KIF1B: variants seen among roughly 807,000 people sequenced by gnomAD.
The protein encoded by KIF1B is kinesin-like protein KIF1B.
KIF1B carries 76 observed loss-of-function variants against 241.9 expected under a neutral mutation model. That is an observed-to-expected ratio of 0.31 (90% confidence interval 0.26 to 0.38). KIF1B has a LOEUF of 0.38. Ranked by LOEUF, KIF1B falls within the 10% of genes least tolerant of loss-of-function variation. The pLI is 1.00. For missense variants in KIF1B, 1,622 were observed against 2,271.4 expected (o/e 0.71, Z 5.81); for synonymous variants, 750 against 796.7 (o/e 0.94, Z 0.99).
chr1:10,369,585 A>T (rs1428334812), intron 44 of KIF1B, among the ~76,000 whole-genome samples: 1 of 152,148 alleles, frequency 6.6e-6, no homozygotes, highest in African/African-American at 2.4e-5. Flanking sequence ...GTGAGGTATG[A>T]TTGTGCCATT....
chr1:10,286,946 C>T (rs1557689181), intron 15 of KIF1B, among the ~76,000 whole-genome samples: 1 of 152,092 alleles, frequency 6.6e-6, no homozygotes, highest in Non-Finnish European at 1.5e-5. Flanking sequence ...CATTAGGCCC[C>T]TAGAGTGGGG....
intron 2 of KIF1B, among the ~76,000 whole-genome samples, chr1:10,235,498 C>T (rs1371962844): frequency 6.6e-6 from 1 of 152,180 alleles, no homozygotes; most frequent in Non-Finnish European, 1.5e-5. Flanking sequence ...AGCAGTCCAC[C>T]TGCCTTGGCC....
intron 27 of KIF1B, among the ~76,000 whole-genome samples, chr1:10,327,438 T>C (rs1339515406): frequency 6.6e-6 from 1 of 150,872 alleles, no homozygotes; most frequent in Non-Finnish European, 1.5e-5. Context: ...AAGGCAGAGG[T>C]TGCAGTGAGA....
chr1:10,361,678 C>G lies in KIF1B; in HGVS notation c.4171-14C>G, dbSNP rs779493776. 1.1e-5 allele frequency: 17 copies of G among 1,613,524 alleles called. 1 individual carries two copies. In the South Asian group the frequency reaches 1.4e-4, roughly 14 times the overall value. ...TGCCTGCACTTCATCAGCACCTACCCTGTCTGCTTTCAGCTGGATCATTGC... is the reference window on the plus strand; with the variant it reads ...TGCCTGCACTTCATCAGCACCTACCGTGTCTGCTTTCAGCTGGATCATTGC... On this transcript the variant is annotated splice_polypyrimidine_tract_variant and intron_variant, in intron 39 of 48. Coordinates refer to ENST00000676179, the MANE Select transcript of KIF1B (RefSeq NM_001365951.3).
chr1:10,265,204 A>T (rs557292723), intron 5 of KIF1B, among the ~76,000 whole-genome samples: 61 of 30,036 alleles, frequency 2.0e-3, no homozygotes, highest in Admixed American at 5.8e-3. Flanking sequence ...AATGGATTTT[A>T]TTTATTTATT....
intron 2 of KIF1B, among the ~76,000 whole-genome samples, chr1:10,240,486 C>A (rs116722015): frequency 6.6e-6 from 1 of 151,712 alleles, no homozygotes; most frequent in East Asian, 1.9e-4. Context: ...GGGATTAAAG[C>A]CATGAGCCAC....
chr1:10,346,189 T>A (rs148161877), intron 35 of KIF1B, among the ~76,000 whole-genome samples: 44 of 152,216 alleles, frequency 2.9e-4, no homozygotes, highest in Middle Eastern at 3.4e-3. Flanking sequence ...GTGCTGAGAT[T>A]ACAGGCATGA....
At chr1:10,341,601 A>G (rs1281526580) in intron 32 of KIF1B, among the ~76,000 whole-genome samples, 2 of 152,248 alleles carry the variant, frequency 1.3e-5, no homozygotes, top group Admixed American at 1.3e-4. Context: ...AATTAAAAAC[A>G]ACATAGGGGA....
chr1:10,376,856 CACACACACACAT>C lies in KIF1B; in HGVS notation c.*275_*286del, dbSNP rs1429642789. On this transcript the variant is annotated 3_prime_UTR_variant, in exon 49 of 49. Transcript: ENST00000676179. ...TTAAACACACACACACACACACACACACACACACACATACACAGACAAAAACACAAAAACTCT... is the reference window on the plus strand; with the variant it reads ...TTAAACACACACACACACACACACACACACAGACAAAAACACAAAAACTCT... 4.3e-6 allele frequency: 2 copies of C among 463,634 alleles called. No homozygotes were observed. The highest frequency in any genetic ancestry group is 7.6e-5 in the East Asian group (2 of 26,480). 28.7% of individuals were successfully genotyped at this position (463,634 alleles called of 1,614,324 possible).
At chr1:10,321,628 A>G (rs1220992044) in intron 23 of KIF1B, 81 bp from the exon 24 acceptor site, 1 of 1,452,060 alleles carries the variant, frequency 6.9e-7, no homozygotes, top group Non-Finnish European at 9.7e-7. Context: ...TCACCTTGGT[A>G]AAAGAGATAA....
At chr1:10,305,362 T>C in intron 22 of KIF1B, 1 of 1,051,362 alleles carries the variant, frequency 9.5e-7, no homozygotes, top group Non-Finnish European at 1.1e-6. Context: ...GCACTGTGTC[T>C]GGGATTCTGT....
Position 10,337,514 on chromosome 1 carries a change from G to C in KIF1B, c.3403G>C (p.Asp1135His), listed in dbSNP as rs1412962175. ...QASGILPEYA[D>H]IFCQFNFLHR... ...CAGTGGAATCCTCCCAGAGTATGCA[G>C]ATATCTTCTGTCAGTTCAAGTAAGC... Residue 1135 changes from aspartate (D) to histidine (H), a missense_variant, in exon 31 of 49, where the codon GAT (aspartate) becomes CAT (histidine). This residue lies in a region of KIF1B where 803 missense variants were observed against 1,112.0 expected (regional missense o/e 0.72). Coordinates refer to ENST00000676179, the MANE Select transcript of KIF1B (RefSeq NM_001365951.3). The surrounding 1 kb of genome is among the most constrained non-coding windows in gnomAD (Gnocchi z 4.0). 1.2e-6 allele frequency: 2 copies of C among 1,614,112 alleles called. No individual in the cohort carries two copies. The highest frequency in any genetic ancestry group is 1.3e-5 in the African/African-American group (1 of 74,946).
chr1:10,345,469 G>C (rs778041822), intron 34 of KIF1B, among the ~76,000 whole-genome samples: 1 of 152,122 alleles, frequency 6.6e-6, no homozygotes, highest in Non-Finnish European at 1.5e-5. Flanking sequence ...TTGAGCCCCT[G>C]TGACGTGAGG....
intron 22 of KIF1B, chr1:10,307,692 A>G (rs1322591187): frequency 8.8e-6 from 9 of 1,021,624 alleles, no homozygotes; most frequent in Non-Finnish European, 1.1e-5. Context: ...AACCATTATT[A>G]TATTGTTGAG....
intron 8 of KIF1B, among the ~76,000 whole-genome samples, chr1:10,271,783 T>A (rs955989487): frequency 6.6e-6 from 1 of 152,108 alleles, no homozygotes; most frequent in African/African-American, 2.4e-5. Flanking sequence ...ACGGAAAAAT[T>A]TTGCTGACTC....
At chr1:10,299,750 C>T (rs938961594) in intron 22 of KIF1B, among the ~76,000 whole-genome samples, 1 of 152,032 alleles carries the variant, frequency 6.6e-6, no homozygotes, top group Non-Finnish European at 1.5e-5. Context: ...ATACCCTGGT[C>T]CTTTCTGTGC....
At chr1:10,349,509 G>A (rs767002612) in intron 37 of KIF1B, among the ~76,000 whole-genome samples, 7 of 152,044 alleles carry the variant, frequency 4.6e-5, no homozygotes, top group Non-Finnish European at 1.0e-4. Flanking sequence ...ATATATATGT[G>A]CAGAATGCTT....
At chr1:10,272,203 A>G in intron 8 of KIF1B, 38 bp from the exon 9 acceptor site, 9 of 1,103,666 alleles carry the variant, frequency 8.2e-6, no homozygotes, top group Non-Finnish European at 1.3e-5. Context: ...AGTAGTAGAA[A>G]TTCTTCATCA....
chr1:10,348,854 T>C lies in KIF1B; in HGVS notation c.3949+121T>C, dbSNP rs553216309. 1.5e-5 allele frequency: 11 copies of C among 755,520 alleles called. No individual in the cohort carries two copies. In the African/African-American group the frequency reaches 1.9e-4, roughly 13 times the overall value. The allele number at this position is 755,520 out of a possible 1,614,324, so 46.8% of individuals were successfully genotyped here. Reference sequence around the variant, plus strand: ...ACAGTGATGAGATCATAGCTCCCTGTAGCCTCAAACTCCTGGGCTCAAGCA... The same window carrying C: ...ACAGTGATGAGATCATAGCTCCCTGCAGCCTCAAACTCCTGGGCTCAAGCA... On this transcript the variant is annotated intron_variant, in intron 37 of 48. Transcript: ENST00000676179.
Sources: gnomAD v4.1 joint callset for allele counts (sites outside exome capture counted in the v4.1 genomes callset) on GRCh38, gnomAD v4.1.1 for gene constraint, gnomAD v4.1.1 regional missense constraint, Gnocchi (gnomAD v3.1) non-coding constraint, MANE v1.5 for transcripts, NCBI Gene and HGNC (gene_info 2026-07-23, HGNC 2026-07-21) for gene names.